The following CACNA1E variants were observed in gnomAD, a reference collection of about 807,000 sequenced individuals.
The protein encoded by CACNA1E is calcium voltage-gated channel subunit alpha1 E, also known as voltage-dependent R-type calcium channel subunit alpha-1E.
CACNA1E carries 40 observed loss-of-function variants against 259.2 expected under a neutral mutation model. The ratio of observed to expected loss-of-function variants is 0.15; its 90% CI spans 0.12 to 0.20. The LOEUF (loss-of-function observed/expected upper bound fraction) is 0.20. Among genes scored for constraint, CACNA1E ranks in the 10% least tolerant of loss-of-function variants. The pLI is 1.00. For missense variants in CACNA1E, 1,874 were observed against 3,040.1 expected (o/e 0.62, Z 9.02); for synonymous variants, 1,104 against 1,138.5 (o/e 0.97, Z 0.61).
intron 2 of CACNA1E, among the ~76,000 whole-genome samples, chr1:181,429,998 TC>T (rs1198612814): frequency 6.6e-6 from 1 of 152,146 alleles, no homozygotes; most frequent in Non-Finnish European, 1.5e-5. Flanking sequence ...CAGGAGCAAA[TC>T]CCCCTATCTC....
chr1:181,578,930 A>G, intron 4 of CACNA1E, 142 bp from the exon 5 acceptor site: 1 of 655,442 alleles, frequency 1.5e-6, no homozygotes, highest in Non-Finnish European at 2.4e-6. Context: ...TTCCTTTAGG[A>G]AAGGAGCACA....
chr1:181,328,231 C>A (rs973737142), intron 1 of CACNA1E, among the ~76,000 whole-genome samples: 1 of 152,080 alleles, frequency 6.6e-6, no homozygotes, highest in African/African-American at 2.4e-5. Flanking sequence ...GGTGCCTTCT[C>A]GCTGTGTCCT....
At chr1:181,491,877 T>C (rs764690629) in intron 1 of CACNA1E, among the ~76,000 whole-genome samples, 3 of 152,170 alleles carry the variant, frequency 2.0e-5, no homozygotes, top group East Asian at 1.9e-4. Context: ...TTGGCTACTA[T>C]TGAGTTAACA....
intron 6 of CACNA1E, among the ~76,000 whole-genome samples, chr1:181,615,977 A>C (rs186701549): frequency 1.8e-4 from 27 of 152,272 alleles, no homozygotes; most frequent in African/African-American, 6.5e-4. Flanking sequence ...TTTTTTCTGC[A>C]GCTATTGCAC....
chr1:181,356,101 A>T (rs376728717), intron 1 of CACNA1E, among the ~76,000 whole-genome samples: 41 of 152,314 alleles, frequency 2.7e-4, no homozygotes, highest in African/African-American at 9.6e-4. Context: ...ACTCAGGGCC[A>T]TCACAGTGCC....
At chr1:181,605,402 T>C (rs957430549) in intron 6 of CACNA1E, among the ~76,000 whole-genome samples, 1 of 152,162 alleles carries the variant, frequency 6.6e-6, no homozygotes, top group Non-Finnish European at 1.5e-5. Context: ...GCCTGAGCCA[T>C]GCCCAAGGCA....
intron 1 of CACNA1E, among the ~76,000 whole-genome samples, chr1:181,376,727 T>C (rs1333470718): frequency 6.6e-6 from 1 of 152,204 alleles, no homozygotes; most frequent in Non-Finnish European, 1.5e-5. Context: ...CCTAGTTTTC[T>C]ATTTCCAGGG....
chr1:181,777,834 G>T (rs1268430906), intron 38 of CACNA1E, among the ~76,000 whole-genome samples: 1 of 152,176 alleles, frequency 6.6e-6, no homozygotes, highest in Non-Finnish European at 1.5e-5. Flanking sequence ...ATGGGATTGG[G>T]AGCCTAAGAA....
chr1:181,605,785 T>G (rs2103085818), intron 6 of CACNA1E, among the ~76,000 whole-genome samples: 1 of 152,332 alleles, frequency 6.6e-6, no homozygotes, highest in African/African-American at 2.4e-5. Context: ...GTGTGTCATC[T>G]TCTTGAGGAG....
chr1:181,507,810 C>T (rs1665836862), intron 1 of CACNA1E, among the ~76,000 whole-genome samples: 1 of 152,196 alleles, frequency 6.6e-6, no homozygotes, highest in Non-Finnish European at 1.5e-5. Context: ...GTCCTACCTT[C>T]CAGGGCAGGC....
chr1:181,692,304 C>A (rs1363921664), intron 7 of CACNA1E, among the ~76,000 whole-genome samples: 1 of 152,098 alleles, frequency 6.6e-6, no homozygotes, highest in Non-Finnish European at 1.5e-5. Flanking sequence ...AAAAACTATT[C>A]TAAAATTTAC....
chr1:181,333,105 G>A (rs2102603909), intron 1 of CACNA1E, among the ~76,000 whole-genome samples: 1 of 152,248 alleles, frequency 6.6e-6, no homozygotes. Context: ...TTGAAGGAAA[G>A]GGGCTCCCTT....
intron 1 of CACNA1E, among the ~76,000 whole-genome samples, chr1:181,385,509 GCTTTATAAGCGCGTC>G (rs1216073227): frequency 6.6e-6 from 1 of 152,212 alleles, no homozygotes; most frequent in African/African-American, 2.4e-5. Context: ...ATTCAAGGAA[GCTTTATAAGCGCGTC>G]CTTGAATTGG....
chr1:181,687,353 C>G (rs1375438899), intron 7 of CACNA1E, among the ~76,000 whole-genome samples: 3 of 152,182 alleles, frequency 2.0e-5, no homozygotes, highest in Non-Finnish European at 2.9e-5. Context: ...CATACCCCCA[C>G]TTGGAGTTGG....
chr1:181,326,005 C>T (rs1018021753), intron 1 of CACNA1E, among the ~76,000 whole-genome samples: 1 of 152,214 alleles, frequency 6.6e-6, no homozygotes, highest in Non-Finnish European at 1.5e-5. Context: ...TCCTCGCCTC[C>T]TCCACCCGCT....
At chr1:181,589,952 G>T (rs1161175168) in intron 6 of CACNA1E, among the ~76,000 whole-genome samples, 2 of 152,236 alleles carry the variant, frequency 1.3e-5, no homozygotes, top group East Asian at 1.9e-4. Flanking sequence ...AAGTTAGTTT[G>T]CCCAACCCTT....
intron 2 of CACNA1E, among the ~76,000 whole-genome samples, chr1:181,477,123 T>TA: frequency 6.6e-6 from 1 of 152,168 alleles, no homozygotes. Context: ...GATTTACTAA[T>TA]TAACTCCATG....
chr1:181,390,406 T>A (rs1278295444), intron 1 of CACNA1E, among the ~76,000 whole-genome samples: 1 of 152,130 alleles, frequency 6.6e-6, no homozygotes, highest in Non-Finnish European at 1.5e-5. Flanking sequence ...TTTTTGTTGC[T>A]TGGTCATGAC....
chr1:181,576,475 A>G (rs1001486439), intron 3 of CACNA1E, among the ~76,000 whole-genome samples: 2 of 152,240 alleles, frequency 1.3e-5, no homozygotes, highest in Admixed American at 6.5e-5. Context: ...TCCGAGGGCC[A>G]TAGGGCATGC....
Sources: allele counts gnomAD v4.1 joint callset (sites outside exome capture counted in the v4.1 genomes callset), GRCh38; gene constraint gnomAD v4.1.1; transcripts MANE v1.5; gene names NCBI Gene and HGNC (gene_info 2026-07-23, HGNC 2026-07-21).